Variants in GASK1A observed in about 807,000 individuals in gnomAD.
The protein encoded by GASK1A is golgi associated kinase 1A, also known as Golgi-associated kinase 1A.
In GASK1A, 40 loss-of-function variants were observed where a neutral mutation model predicts 41.2. That is an observed-to-expected ratio of 0.97 (90% CI 0.75 to 1.27). GASK1A has a LOEUF of 1.27. Among genes scored for constraint, GASK1A ranks in the 50% most tolerant of loss-of-function variants. The pLI is 0.00. For missense variants in GASK1A, 678 were observed against 745.1 expected (o/e 0.91, Z 1.05); for synonymous variants, 316 against 307.1 (o/e 1.03, Z -0.30).
chr3:42,983,237 A>G (rs781619843), intron 1 of GASK1A, among the ~76,000 whole-genome samples: 47 of 152,262 alleles, frequency 3.1e-4, no homozygotes, highest in Non-Finnish European at 5.7e-4. Context: ...AGTCATTGTG[A>G]GGAGCAAATG....
At chr3:42,987,668 T>C (rs1284807749) in intron 1 of GASK1A, among the ~76,000 whole-genome samples, 3 of 152,168 alleles carry the variant, frequency 2.0e-5, no homozygotes, top group Non-Finnish European at 2.9e-5. Flanking sequence ...ATCCTTTGAA[T>C]TGATTTTGTA....
chr3:43,033,328 C>G lies in GASK1A; in HGVS notation c.1065C>G (p.Leu355=), dbSNP rs1013532096. 20 of 1,551,176 alleles carry G rather than the reference C, an allele frequency of 1.3e-5. No homozygotes were observed. The highest frequency in any genetic ancestry group is 1.7e-5 in the Non-Finnish European group (20 of 1,146,804). ...PAVARRFHSP[L]LPYRYTDGGA... ...TGGCCCGCCGCTTCCATAGCCCCCT[C>G]CTGCCCTACCGATACACAGACGGTG... is the stretch of plus-strand genomic sequence containing the variant. The change falls in exon 2 of 5, where the codon CTC becomes CTG. Residue 355 remains leucine, a synonymous_variant. Transcript: ENST00000430121.
At chr3:43,012,735 G>A (rs1459078421) in intron 1 of GASK1A, among the ~76,000 whole-genome samples, 1 of 149,798 alleles carries the variant, frequency 6.7e-6, no homozygotes, top group African/African-American at 2.5e-5. Context: ...GAAGGGAAGT[G>A]GAAAGTCACA....
intron 1 of GASK1A, among the ~76,000 whole-genome samples, chr3:42,981,533 A>G (rs950514412): frequency 1.3e-5 from 2 of 152,146 alleles, no homozygotes; most frequent in Non-Finnish European, 2.9e-5. Flanking sequence ...TAGCATGAAC[A>G]ACTAAAAAGG....
chr3:43,042,971 C>T (rs1450799958), intron 2 of GASK1A, among the ~76,000 whole-genome samples: 1 of 152,172 alleles, frequency 6.6e-6, no homozygotes, highest in Non-Finnish European at 1.5e-5. Context: ...TGCCGAGTAA[C>T]TCCCTCCTCT....
intron 1 of GASK1A, among the ~76,000 whole-genome samples, chr3:43,031,107 T>C (rs1335988101): frequency 6.6e-6 from 1 of 152,232 alleles, no homozygotes; most frequent in Non-Finnish European, 1.5e-5. Flanking sequence ...CTAAGGAATA[T>C]CTGGTGGATT....
chr3:43,015,118 CAGGT>C (rs1380005516), intron 1 of GASK1A, among the ~76,000 whole-genome samples: 1 of 150,464 alleles, frequency 6.6e-6, no homozygotes, highest in Non-Finnish European at 1.5e-5. Context: ...TGTGACATCA[CAGGT>C]AGGGGCAGTG....
At chr3:43,009,856 A>G (rs569944125) in intron 1 of GASK1A, among the ~76,000 whole-genome samples, 2 of 152,354 alleles carry the variant, frequency 1.3e-5, no homozygotes, top group African/African-American at 4.8e-5. Context: ...ATTTGCCAGA[A>G]TTGGCATGAG....
At chr3:42,994,729 A>T (rs2089360879) in intron 1 of GASK1A, among the ~76,000 whole-genome samples, 1 of 152,112 alleles carries the variant, frequency 6.6e-6, no homozygotes. Context: ...GAAACTTGTT[A>T]ATTAGGCTTT....
intron 2 of GASK1A, among the ~76,000 whole-genome samples, chr3:43,040,876 T>TCCCCC (rs1350593107): frequency 1.1e-5 from 1 of 90,080 alleles, no homozygotes; most frequent in Non-Finnish European, 2.5e-5. Flanking sequence ...ATGCTATCCC[T>TCCCCC]CCCCCCCGCC....
intron 1 of GASK1A, among the ~76,000 whole-genome samples, chr3:42,980,987 G>A (rs1442012718): frequency 6.6e-6 from 1 of 152,212 alleles, no homozygotes; most frequent in African/African-American, 2.4e-5. Context: ...AAAGGCAAAT[G>A]TAGCAGAGGC....
chr3:43,006,871 A>G (rs1266634654), intron 1 of GASK1A, among the ~76,000 whole-genome samples: 2 of 152,224 alleles, frequency 1.3e-5, no homozygotes, highest in Non-Finnish European at 2.9e-5. Flanking sequence ...AAGAAGCTGC[A>G]TAAATTGAAT....
intron 1 of GASK1A, among the ~76,000 whole-genome samples, chr3:43,002,081 T>C (rs770137704): frequency 3.0e-4 from 45 of 152,340 alleles, no homozygotes; most frequent in Non-Finnish European, 5.0e-4. Context: ...TAATCATTAC[T>C]GGTCTCCTTT....
rs1018442441 is a variant in GASK1A at position 43,004,962 on chromosome 3, C to G, written c.3+25317C>G. Among the ~76,000 whole-genome samples, 4 of 152,178 alleles carry G rather than the reference C, an allele frequency of 2.6e-5. No individual in the cohort carries two copies. The East Asian group carries it at 5.8e-4, about 22-fold the overall frequency. ...GGAGGCTCTGGGGGAGAATCCATTT[C>G]CTTGCCACCTCTATCCTTTAGAGGC... is the stretch of plus-strand genomic sequence containing the variant. On this transcript the variant is annotated intron_variant, in intron 1 of 4. Coordinates refer to ENST00000430121, the MANE Select transcript of GASK1A (RefSeq NM_001129908.3).
intron 2 of GASK1A, among the ~76,000 whole-genome samples, chr3:43,038,790 A>G (rs574239763): frequency 6.6e-6 from 1 of 152,176 alleles, no homozygotes; most frequent in East Asian, 1.9e-4. Flanking sequence ...GCTCTTCATC[A>G]CATTAGTGAT....
chr3:42,986,690 C>T (rs1490198415), intron 1 of GASK1A, among the ~76,000 whole-genome samples: 1 of 152,072 alleles, frequency 6.6e-6, no homozygotes, highest in African/African-American at 2.4e-5. Context: ...TGTTATTGTC[C>T]CTAGGGCAGA....
At chr3:43,034,593 C>A (rs2089595945) in intron 2 of GASK1A, among the ~76,000 whole-genome samples, 1 of 152,170 alleles carries the variant, frequency 6.6e-6, no homozygotes. Flanking sequence ...TATAGAGACC[C>A]CTGTTGAAGA....
At position 43,056,495 on chromosome 3, in the gene GASK1A, G is replaced by A; in HGVS notation, c.*109G>A. On this transcript the variant is annotated 3_prime_UTR_variant, in exon 5 of 5. Transcript: ENST00000430121. ...AAGCCAGAAGCCAGAGGGGCACAAG[G>A]ATGTCACGGGATATTTCACCTGCCT... 1.1e-6 allele frequency: 1 copy of A among 952,374 alleles called. No homozygotes were observed. Among genetic ancestry groups the A allele is most frequent in the Non-Finnish European group, 1.5e-6 (1 of 653,662 alleles). 59.0% of individuals were successfully genotyped at this position (952,374 alleles called of 1,614,324 possible).
intron 1 of GASK1A, among the ~76,000 whole-genome samples, chr3:43,019,757 A>AACACACACACACACAC (rs148054172): frequency 2.6e-4 from 38 of 146,614 alleles, no homozygotes; most frequent in African/African-American, 6.8e-4. Context: ...TTCCGTTTTT[A>AACACACACACACACAC]ACACACACAC....
Sources: allele counts gnomAD v4.1 joint callset (sites outside exome capture counted in the v4.1 genomes callset), GRCh38; gene constraint gnomAD v4.1.1; transcripts MANE v1.5; gene names NCBI Gene and HGNC (gene_info 2026-07-23, HGNC 2026-07-21).